Variants in RBM46 observed in about 807,000 individuals in gnomAD.
The protein encoded by RBM46 is probable RNA-binding protein 46.
Under a neutral mutation model 43.3 loss-of-function variants are expected in RBM46, and 12 were observed. That is an observed-to-expected ratio of 0.28 (90% CI 0.18 to 0.45). The LOEUF (loss-of-function observed/expected upper bound fraction) is 0.45. RBM46 is among the 20% of genes least tolerant of loss of function. RBM46 has a pLI of 1.00. For synonymous variants in RBM46, 205 were observed against 207.6 expected, an observed-to-expected ratio of 0.99 and a Z score of 0.11; for missense variants, 412 against 639.1, an observed-to-expected ratio of 0.64 and a Z score of 3.83.
At chr4:154,790,341 A>C (rs1734020330) in intron 1 of RBM46, 2 of 152,156 alleles carry the variant, frequency 1.3e-5, no homozygotes, top group Admixed American at 1.3e-4. Context: ...CACTGCTTTA[A>C]ATGTGTCCCA....
chr4:154,799,399 T>C lies in RBM46; in HGVS notation c.1237T>C (p.Tyr413His), dbSNP rs781469589. ...AAATAACTGGGCACCACCAGAATAT[T>C]ATTTATATTCAACAACAAGTCAAGA... Reference protein sequence around the residue: ...NKNNWAPPEYYLYSTTSQDGK... With the variant: ...NKNNWAPPEYHLYSTTSQDGK... Residue 413 changes from tyrosine to histidine, a missense_variant, in exon 4 of 5, where the codon TAT becomes CAT. Transcript: ENST00000281722. 8 of 1,614,058 alleles carry C rather than the reference T, an allele frequency of 5.0e-6. No homozygotes were observed. In the South Asian group the frequency reaches 7.7e-5, roughly 16 times the overall value.
intron 4 of RBM46, among the ~76,000 whole-genome samples, chr4:154,814,748 T>C (rs1279873808): frequency 6.6e-6 from 1 of 151,994 alleles, no homozygotes; most frequent in Non-Finnish European, 1.5e-5. Flanking sequence ...TCTATTTTGG[T>C]AGTAACTATA....
At chr4:154,826,311 A>T (rs2111226234) in intron 4 of RBM46, among the ~76,000 whole-genome samples, 1 of 152,092 alleles carries the variant, frequency 6.6e-6, no homozygotes, top group Admixed American at 6.5e-5. Flanking sequence ...TACAAAAATT[A>T]ACTGGGTATG....
chr4:154,808,499 T>C (rs1735019705), intron 4 of RBM46, among the ~76,000 whole-genome samples: 1 of 152,064 alleles, frequency 6.6e-6, no homozygotes, highest in Non-Finnish European at 1.5e-5. Context: ...TCTGCTTGTT[T>C]ACTGGCCAGA....
At chr4:154,799,736 C>G (rs1006894699) in intron 4 of RBM46, among the ~76,000 whole-genome samples, 172 bp downstream of exon 4, 2 of 148,026 alleles carry the variant, frequency 1.4e-5, no homozygotes, top group Non-Finnish European at 3.0e-5. Flanking sequence ...CCTGTAAAAT[C>G]TTCCTACATT....
At chr4:154,813,537 A>T (rs1266163268) in intron 4 of RBM46, among the ~76,000 whole-genome samples, 3 of 152,056 alleles carry the variant, frequency 2.0e-5, no homozygotes, top group Non-Finnish European at 4.4e-5. Context: ...GAATATAATG[A>T]TTTATGTGCA....
chr4:154,791,708 A>G (rs1734103480), intron 1 of RBM46, among the ~76,000 whole-genome samples: 1 of 152,216 alleles, frequency 6.6e-6, no homozygotes, highest in Admixed American at 6.5e-5. Context: ...GCTCTAGAGG[A>G]TAATGAGTTC....
At chr4:154,815,980 C>T (rs1033419227) in intron 4 of RBM46, among the ~76,000 whole-genome samples, 2 of 151,950 alleles carry the variant, frequency 1.3e-5, no homozygotes, top group Non-Finnish European at 2.9e-5. Flanking sequence ...TTTTTGAAGA[C>T]TTGCCATTTT....
At chr4:154,783,409 A>G (rs772992125) in intron 1 of RBM46, among the ~76,000 whole-genome samples, 1 of 152,250 alleles carries the variant, frequency 6.6e-6, no homozygotes, top group Non-Finnish European at 1.5e-5. Context: ...GAAGGAAGAC[A>G]TGTCAGTTTA....
At chr4:154,821,995 T>C (rs1046610285) in intron 4 of RBM46, among the ~76,000 whole-genome samples, 1 of 151,826 alleles carries the variant, frequency 6.6e-6, no homozygotes, top group Non-Finnish European at 1.5e-5. Context: ...TTTAAGAAAT[T>C]CTTGCACTTT....
intron 4 of RBM46, among the ~76,000 whole-genome samples, chr4:154,821,115 CA>C (rs1735702111): frequency 6.6e-6 from 1 of 151,670 alleles, no homozygotes; most frequent in Non-Finnish European, 1.5e-5. Flanking sequence ...TTATTTTTAT[CA>C]CTTAATAATA....
intron 4 of RBM46, among the ~76,000 whole-genome samples, chr4:154,817,829 CTTGCCTTTTTT>C (rs775871180): frequency 8.6e-5 from 13 of 150,556 alleles, no homozygotes; most frequent in Non-Finnish European, 1.2e-4. Context: ...TTTTTCATTT[CTTGCCTTTTTT>C]TTATACAGTG....
chr4:154,791,728 A>G (rs554843899), intron 1 of RBM46, among the ~76,000 whole-genome samples: 3 of 152,356 alleles, frequency 2.0e-5, no homozygotes, highest in Admixed American at 6.5e-5. Flanking sequence ...CTTTGTAAGA[A>G]TAAAAAATAA....
At chr4:154,790,644 CTATT>C (rs1302259081) in intron 1 of RBM46, among the ~76,000 whole-genome samples, 2 of 152,214 alleles carry the variant, frequency 1.3e-5, no homozygotes, top group African/African-American at 4.8e-5. Context: ...ACAATGTTGA[CTATT>C]TAAGACAATG....
chr4:154,821,386 G>A (rs926620607), intron 4 of RBM46, among the ~76,000 whole-genome samples: 1 of 151,602 alleles, frequency 6.6e-6, no homozygotes, highest in Admixed American at 6.6e-5. Context: ...TTTATTTAGT[G>A]AGCTACAACT....
chr4:154,788,780 G>A (rs1196257240), intron 1 of RBM46, among the ~76,000 whole-genome samples: 1 of 152,096 alleles, frequency 6.6e-6, no homozygotes, highest in Non-Finnish European at 1.5e-5. Context: ...TTGGCAGTAT[G>A]GTCATTTTCA....
intron 1 of RBM46, among the ~76,000 whole-genome samples, chr4:154,796,525 C>T (rs1397574205): frequency 1.3e-5 from 2 of 152,012 alleles, no homozygotes; most frequent in Admixed American, 1.3e-4. Flanking sequence ...TAGCTTAGGC[C>T]TTCTAAAGGT....
In RBM46 at chr4:154,799,405, T is replaced by C. The variant is rs756278661; in HGVS notation, c.1243T>C (p.Tyr415His). Reference protein sequence around the residue: ...NNWAPPEYYLYSTTSQDGKVL... With the variant: ...NNWAPPEYYLHSTTSQDGKVL... ...CTGGGCACCACCAGAATATTATTTA[T>C]ATTCAACAACAAGTCAAGATGGGAA... Residue 415 changes from tyrosine (Y) to histidine (H), a missense_variant, in exon 4 of 5, where the codon TAT becomes CAT. Transcript: ENST00000281722. 3 of 1,614,160 alleles carry C rather than the reference T, an allele frequency of 1.9e-6. No individual in the cohort carries two copies. The Admixed American group carries it at 5.0e-5, about 27-fold the overall frequency.
At chr4:154,798,597 A>G (rs549490617) in intron 3 of RBM46, among the ~76,000 whole-genome samples, 185 bp from the exon 4 acceptor site, 1 of 152,348 alleles carries the variant, frequency 6.6e-6, no homozygotes, top group East Asian at 1.9e-4. Flanking sequence ...TGACTCTGAA[A>G]TTACATAGTA....
Sources: gnomAD v4.1 joint callset for allele counts (sites outside exome capture counted in the v4.1 genomes callset) on GRCh38, gnomAD v4.1.1 for gene constraint, MANE v1.5 for transcripts, NCBI Gene and HGNC (gene_info 2026-07-23, HGNC 2026-07-21) for gene names.